The following HTT variants were observed in gnomAD, a reference collection of about 807,000 sequenced individuals.
HTT encodes the protein huntington disease protein.
In HTT, 104 loss-of-function variants were observed where a neutral mutation model predicts 362.3. That is an observed-to-expected ratio of 0.29 (90% confidence interval 0.24 to 0.34). The LOEUF is 0.34. HTT is among the 10% of genes least tolerant of loss of function. HTT has a pLI of 1.00. For missense variants in HTT, 3,301 were observed against 3,928.6 expected (o/e 0.84, Z 4.27); for synonymous variants, 1,577 against 1,548.7 (o/e 1.02, Z -0.43).
At chr4:3,183,234 C>T (rs1718610216) in intron 37 of HTT, among the ~76,000 whole-genome samples, 1 of 152,174 alleles carries the variant, frequency 6.6e-6, no homozygotes, top group South Asian at 2.1e-4. Context: ...TCATTGTTTC[C>T]ACAACTGCAG....
At chr4:3,076,089 T>C (rs1712535500) in intron 1 of HTT, among the ~76,000 whole-genome samples, 1 of 152,182 alleles carries the variant, frequency 6.6e-6, no homozygotes, top group South Asian at 2.1e-4. Context: ...GATGTGCCAG[T>C]GAAAGGGTTT....
At chr4:3,173,643 T>A (rs1253327937) in intron 31 of HTT, among the ~76,000 whole-genome samples, 1 of 151,972 alleles carries the variant, frequency 6.6e-6, no homozygotes. Context: ...GTCAGCTTTA[T>A]GACTAGAAGT....
In HTT at chr4:3,112,033, T is replaced by A. The variant is rs1252360341; in HGVS notation, c.748-3271T>A. On this transcript the variant is annotated intron_variant, in intron 6 of 66. Transcript: ENST00000355072. ...AATCAGTCAGTTATGTAGCTCTTGTTACTTTTTAGCTTCCGAAGTTTTGTT... is the reference window on the plus strand; with the variant it reads ...AATCAGTCAGTTATGTAGCTCTTGTAACTTTTTAGCTTCCGAAGTTTTGTT... Among the ~76,000 whole-genome samples, 6 of 152,242 alleles carry A rather than the reference T, an allele frequency of 3.9e-5. No individual in the cohort carries two copies. The East Asian group carries it at 1.2e-3, about 29-fold the overall frequency.
intron 26 of HTT, among the ~76,000 whole-genome samples, chr4:3,149,314 T>G (rs1716764549): frequency 6.9e-6 from 1 of 144,446 alleles, no homozygotes. Context: ...TTTTTTTTTT[T>G]GAGATGGAGT....
At chr4:3,214,630 G>A (rs1442516059) in intron 50 of HTT, among the ~76,000 whole-genome samples, 1 of 152,162 alleles carries the variant, frequency 6.6e-6, no homozygotes, top group Non-Finnish European at 1.5e-5. Context: ...AAAATTGGAC[G>A]TCATAGTTTA....
chr4:3,114,537 G>A (rs1714925371), intron 6 of HTT, among the ~76,000 whole-genome samples: 1 of 152,188 alleles, frequency 6.6e-6, no homozygotes. Flanking sequence ...TTGCCCAGGC[G>A]TAGCTCTGAC....
rs1718827228 is a variant in HTT, at chr4:3,187,595, G to A, written c.4990-56G>A. ...TCTTTCACAAAATTGGCAATTGGGGGAAATTTAATCTTCCTTTTTTCTTCA... is the reference window on the plus strand; with the variant it reads ...TCTTTCACAAAATTGGCAATTGGGGAAAATTTAATCTTCCTTTTTTCTTCA... On this transcript the variant is annotated intron_variant, in intron 38 of 66. Coordinates refer to ENST00000355072, the MANE Select transcript of HTT (RefSeq NM_001388492.1). The A allele has an allele frequency of 1.5e-6, 2 of 1,327,890 alleles. 1 individual carries two copies. Among genetic ancestry groups the A allele is most frequent in the Middle Eastern group, 3.7e-4 (2 of 5,424 alleles). 82.3% of individuals were successfully genotyped at this position (1,327,890 alleles called of 1,614,324 possible). A position where few individuals can be genotyped will look rare whatever the true frequency, so the allele number is the denominator to read the frequency against.
chr4:3,095,733 A>T (rs1163904455), intron 2 of HTT, among the ~76,000 whole-genome samples: 5 of 152,222 alleles, frequency 3.3e-5, no homozygotes, highest in African/African-American at 1.2e-4. Context: ...GATACATAGT[A>T]TAAACAATTA....
At chr4:3,170,677 C>T (rs576258843) in intron 29 of HTT, among the ~76,000 whole-genome samples, 2 of 152,214 alleles carry the variant, frequency 1.3e-5, no homozygotes, top group Non-Finnish European at 2.9e-5. Context: ...TGTCCCTCCT[C>T]CTTGTGCCAC....
In HTT at chr4:3,160,278, C is replaced by G. The variant is rs917155102; in HGVS notation, c.3754-4C>G. On this transcript the variant is annotated splice_region_variant and splice_polypyrimidine_tract_variant and intron_variant, in intron 28 of 66. Transcript: ENST00000355072. ...CCGTGTGTTCTCTCCTTCACCTTCC[C>G]AAGGTCACGCTGGATCTTCAGAACA... The G allele has an allele frequency of 6.5e-7, 1 of 1,542,256 alleles. No individual in the cohort carries two copies. The highest frequency in any genetic ancestry group is 8.8e-7 in the Non-Finnish European group (1 of 1,138,238).
At chr4:3,219,083 C>CCAGT (rs1382106715) in intron 52 of HTT, among the ~76,000 whole-genome samples, 2 of 152,300 alleles carry the variant, frequency 1.3e-5, no homozygotes, top group African/African-American at 2.4e-5. Flanking sequence ...GAAGAAGAGG[C>CCAGT]CAGTGCCTGG....
At chr4:3,203,876 T>C in intron 41 of HTT, 131 bp from the exon 42 acceptor site, 1 of 818,750 alleles carries the variant, frequency 1.2e-6, no homozygotes, top group Non-Finnish European at 2.0e-6. Flanking sequence ...ACATACAACA[T>C]TCTGATATGG....
intron 2 of HTT, among the ~76,000 whole-genome samples, chr4:3,089,952 G>T (rs1713413395): frequency 6.6e-6 from 1 of 152,086 alleles, no homozygotes; most frequent in Non-Finnish European, 1.5e-5. Flanking sequence ...AGGAGTTTTT[G>T]GAGTCAGAGA....
chr4:3,093,418 C>T (rs1317540860), intron 2 of HTT, among the ~76,000 whole-genome samples: 1 of 152,154 alleles, frequency 6.6e-6, no homozygotes, highest in Non-Finnish European at 1.5e-5. Context: ...GTGTTTGTAA[C>T]ACGTAGAAGT....
intron 33 of HTT, 146 bp downstream of exon 33, chr4:3,175,253 C>G: frequency 1.3e-6 from 1 of 772,680 alleles, no homozygotes; most frequent in Non-Finnish European, 2.0e-6. Flanking sequence ...ATGCACCTAG[C>G]TGGTGCAGAA....
chr4:3,233,012 G>T (rs555551647), intron 60 of HTT, 151 bp from the exon 61 acceptor site: 5 of 599,344 alleles, frequency 8.3e-6, no homozygotes, highest in Admixed American at 8.0e-5. Context: ...GGCCAGCCTT[G>T]CACACAGGCC....
chr4:3,142,831 G>C lies in HTT; in HGVS notation c.3011G>C (p.Arg1004Thr). ...GTCACTATGGAAAATAACCTTTCAA[G>C]AGTTATTGCAGCAGTTTCTCATGAA... ...TDVTMENNLS[R>T]VIAAVSHELI... The change falls in exon 23 of 67, where the codon AGA becomes ACA. Residue 1004 changes from arginine (R) to threonine (T), a missense_variant. Arg to Thr is a moderately conservative substitution (Grantham distance 71). Transcript: ENST00000355072. 1.2e-6 allele frequency: 2 copies of C among 1,604,034 alleles called. No individual in the cohort carries two copies. The highest frequency in any genetic ancestry group is 1.7e-6 in the Non-Finnish European group (2 of 1,170,884).
At chr4:3,084,690 CA>C (rs60116935) in intron 1 of HTT, among the ~76,000 whole-genome samples, 67 of 122,382 alleles carry the variant, frequency 5.5e-4, no homozygotes, top group Admixed American at 9.2e-4. Context: ...ACTCCATCTC[CA>C]AAAAAAAAAA....
Position 3,074,777 on chromosome 4 carries a change from G to C in HTT, c.-49G>C. 6.7e-7 allele frequency: 1 copy of C among 1,499,594 alleles called. No homozygotes were observed. The highest frequency in any genetic ancestry group is 1.2e-5 in the South Asian group (1 of 81,310). 92.9% of individuals were successfully genotyped at this position (1,499,594 alleles called of 1,614,324 possible). ...TTGCCCCGGTGCTGAGCGGCGCCGC[G>C]AGTCGGCCCGAGGCCTCCGGGGACT... On this transcript the variant is annotated 5_prime_UTR_variant, in exon 1 of 67. Coordinates refer to ENST00000355072, the MANE Select transcript of HTT (RefSeq NM_001388492.1).
Sources: allele counts gnomAD v4.1 joint callset (sites outside exome capture counted in the v4.1 genomes callset), GRCh38; gene constraint gnomAD v4.1.1; transcripts MANE v1.5; gene names NCBI Gene and HGNC (gene_info 2026-07-23, HGNC 2026-07-21).